NALF1: variants seen among roughly 807,000 people sequenced by gnomAD.
The protein encoded by NALF1 is NALCN channel auxiliary factor 1.
In NALF1, 3 loss-of-function variants were observed where a neutral mutation model predicts 48.4. The observed-to-expected ratio is 0.06, with a 90% CI of 0.03 to 0.16. The LOEUF (loss-of-function observed/expected upper bound fraction) is 0.16, where lower values mean the gene tolerates loss of function less well. Among genes scored for constraint, NALF1 ranks in the 10% least tolerant of loss-of-function variants. The pLI, the probability that NALF1 is intolerant of heterozygous loss-of-function variation, is 1.00. For missense variants in NALF1, 526 were observed against 571.5 expected (o/e 0.92, Z 0.81); for synonymous variants, 262 against 245.7 (o/e 1.07, Z -0.62).
chr13:107,471,929 T>A (rs991894384), intron 1 of NALF1, among the ~76,000 whole-genome samples: 2 of 152,128 alleles, frequency 1.3e-5, no homozygotes, highest in African/African-American at 2.4e-5. Context: ...ATTAAAACAG[T>A]CAAGAAAAAA....
intron 1 of NALF1, among the ~76,000 whole-genome samples, chr13:107,679,711 T>C (rs111496513): frequency 0.03 from 4,504 of 152,258 alleles, 215 homozygotes; most frequent in African/African-American, 0.1. Flanking sequence ...ATGGGCAACC[T>C]GGCCTTCCCT....
intron 1 of NALF1, among the ~76,000 whole-genome samples, chr13:107,328,980 G>C (rs970332813): frequency 2.6e-5 from 4 of 152,146 alleles, no homozygotes; most frequent in African/African-American, 9.7e-5. Context: ...GTGTGACACT[G>C]TAACATCTTA....
chr13:107,856,228 A>G (rs1241140998), intron 1 of NALF1, among the ~76,000 whole-genome samples: 1 of 152,196 alleles, frequency 6.6e-6, no homozygotes, highest in Non-Finnish European at 1.5e-5. Context: ...TTTGTATACA[A>G]TGACTTCAGT....
chr13:107,218,687 C>T (rs888867539), intron 1 of NALF1, among the ~76,000 whole-genome samples: 10 of 152,168 alleles, frequency 6.6e-5, no homozygotes. Flanking sequence ...AAGTGAACCT[C>T]TCCTTCCAAA....
At chr13:107,251,937 G>T (rs138132999) in intron 1 of NALF1, among the ~76,000 whole-genome samples, 49 of 152,300 alleles carry the variant, frequency 3.2e-4, no homozygotes, top group Non-Finnish European at 5.9e-4. Flanking sequence ...GAAAAGCAGA[G>T]AAGGGTGTCT....
chr13:107,489,374 A>C (rs947171366), intron 1 of NALF1, among the ~76,000 whole-genome samples: 1 of 152,166 alleles, frequency 6.6e-6, no homozygotes, highest in Admixed American at 6.6e-5. Context: ...CCAACTTCAA[A>C]CTACACTAAA....
chr13:107,778,043 A>G (rs964801498), intron 1 of NALF1, among the ~76,000 whole-genome samples: 1 of 152,230 alleles, frequency 6.6e-6, no homozygotes, highest in Admixed American at 6.5e-5. Context: ...AGATAGATTC[A>G]AATTGCACAT....
intron 1 of NALF1, among the ~76,000 whole-genome samples, chr13:107,354,671 T>C (rs1882931592): frequency 6.6e-6 from 1 of 152,176 alleles, no homozygotes; most frequent in Non-Finnish European, 1.5e-5. Context: ...AATAAGTACT[T>C]TTTTAGAACC....
chr13:107,182,464 G>C (rs957337647), intron 2 of NALF1, among the ~76,000 whole-genome samples: 1 of 152,110 alleles, frequency 6.6e-6, no homozygotes, highest in South Asian at 2.1e-4. Context: ...TGTAGAAGTG[G>C]GGTCTACGTT....
chr13:107,622,418 G>A (rs1879543391), intron 1 of NALF1, among the ~76,000 whole-genome samples: 1 of 150,628 alleles, frequency 6.6e-6, no homozygotes, highest in Non-Finnish European at 1.5e-5. Context: ...CCCAGCCTGG[G>A]CAACAACAGC....
intron 1 of NALF1, among the ~76,000 whole-genome samples, chr13:107,720,135 G>A (rs145046659): frequency 1.3e-5 from 2 of 152,112 alleles, no homozygotes; most frequent in Non-Finnish European, 2.9e-5. Flanking sequence ...TCCACCCTAC[G>A]AACTTGCCAC....
chr13:107,688,855 G>T (rs539408965), intron 1 of NALF1, among the ~76,000 whole-genome samples: 1 of 152,256 alleles, frequency 6.6e-6, no homozygotes, highest in Admixed American at 6.5e-5. Flanking sequence ...GTGGCTCCTG[G>T]GTCAGGTGAC....
At chr13:107,180,746 G>C (rs993923011) in intron 2 of NALF1, among the ~76,000 whole-genome samples, 1 of 151,502 alleles carries the variant, frequency 6.6e-6, no homozygotes, top group Non-Finnish European at 1.5e-5. Flanking sequence ...TTTTACATCT[G>C]GCATGTTTAT....
chr13:107,579,352 A>G (rs1566401349), intron 1 of NALF1, among the ~76,000 whole-genome samples: 1 of 152,188 alleles, frequency 6.6e-6, no homozygotes, highest in Admixed American at 6.5e-5. Flanking sequence ...AGGCCTCCCA[A>G]AGTGCTGGGA....
chr13:107,813,440 G>C (rs1173926040), intron 1 of NALF1, among the ~76,000 whole-genome samples: 1 of 152,106 alleles, frequency 6.6e-6, no homozygotes, highest in African/African-American at 2.4e-5. Flanking sequence ...ATGTTGTAAA[G>C]CTCAAAAATA....
In NALF1 at chr13:107,699,550, G is replaced by C. The variant is rs558521171; in HGVS notation, c.915+166132C>G. Among the ~76,000 whole-genome samples the C allele has an allele frequency of 2.6e-5, 4 of 152,152 alleles. No individual in the cohort carries two copies. In the South Asian group the frequency reaches 8.3e-4, roughly 32 times the overall value. ...GTGCAAATATGTTGTCCCAGTAAGA[G>C]GGGTATGAGGGACAGAAAAACAAGG... is the stretch of plus-strand genomic sequence containing the variant. On this transcript the variant is annotated intron_variant, in intron 1 of 2. Coordinates refer to ENST00000375915, the MANE Select transcript of NALF1 (RefSeq NM_001080396.3).
At chr13:107,581,873 C>G (rs757158751) in intron 1 of NALF1, among the ~76,000 whole-genome samples, 25 of 152,150 alleles carry the variant, frequency 1.6e-4, no homozygotes, top group Non-Finnish European at 3.2e-4. Flanking sequence ...TCTCACCTAT[C>G]GTCTTACACA....
intron 1 of NALF1, among the ~76,000 whole-genome samples, chr13:107,235,393 G>C (rs376822280): frequency 6.6e-6 from 1 of 151,910 alleles, no homozygotes; most frequent in African/African-American, 2.4e-5. Context: ...GCAATGTACA[G>C]TTATCCCTTG....
intron 1 of NALF1, among the ~76,000 whole-genome samples, chr13:107,861,872 ACT>A (rs2138650686): frequency 6.6e-6 from 1 of 152,262 alleles, no homozygotes; most frequent in East Asian, 1.9e-4. Context: ...ATGTAACCAA[ACT>A]CTATGTTCTC....
Sources: allele counts gnomAD v4.1 joint callset (sites outside exome capture counted in the v4.1 genomes callset), GRCh38; gene constraint gnomAD v4.1.1; transcripts MANE v1.5; gene names NCBI Gene and HGNC (gene_info 2026-07-23, HGNC 2026-07-21).